The following EDDM13 variants were observed in gnomAD, a reference collection of about 807,000 sequenced individuals.
EDDM13 encodes epididymal protein 13.
EDDM13 carries 24 observed loss-of-function variants against 17.8 expected under a neutral mutation model. The ratio of observed to expected loss-of-function variants is 1.35; its 90% CI spans 0.98 to 1.90. The LOEUF is 1.90. EDDM13 is among the 40% of genes most tolerant of loss of function. The pLI is 0.00. For synonymous variants in EDDM13, 31 were observed against 37.5 expected (o/e 0.83, Z 0.63); for missense variants, 97 against 100.8 (o/e 0.96, Z 0.16).
chr19:56,288,016 T>C (rs373490001), intron 6 of EDDM13, among the ~76,000 whole-genome samples: 4 of 152,156 alleles, frequency 2.6e-5, no homozygotes, highest in East Asian at 3.9e-4. Context: ...TGATTCCACT[T>C]TTCTGATGAG....
chr19:56,291,876 A>G (rs2039532377), intron 9 of EDDM13, among the ~76,000 whole-genome samples: 1 of 152,214 alleles, frequency 6.6e-6, no homozygotes, highest in Admixed American at 6.5e-5. Flanking sequence ...TGGTGATGAC[A>G]GTGATGGAAA....
intron 14 of EDDM13, among the ~76,000 whole-genome samples, chr19:56,309,858 A>G (rs2040924511): frequency 6.6e-6 from 1 of 152,160 alleles, no homozygotes; most frequent in Admixed American, 6.5e-5. Flanking sequence ...AGGAGGAGAC[A>G]CTTGCCCTGG....
chr19:56,279,381 C>G (rs2038509113), intron 2 of EDDM13, among the ~76,000 whole-genome samples: 2 of 152,122 alleles, frequency 1.3e-5, no homozygotes, highest in African/African-American at 4.8e-5. Context: ...AGCAAAATTC[C>G]TAGCGCTCAG....
chr19:56,275,575 G>A (rs1181439842), intron 1 of EDDM13, among the ~76,000 whole-genome samples: 2 of 152,138 alleles, frequency 1.3e-5, no homozygotes, highest in African/African-American at 4.8e-5. Context: ...ACAAAAAATA[G>A]TAAGAATAAA....
chr19:56,275,124 T>G (rs567180897), intron 1 of EDDM13, among the ~76,000 whole-genome samples: 53 of 152,304 alleles, frequency 3.5e-4, no homozygotes, highest in Admixed American at 5.2e-4. Flanking sequence ...TCGGCTAAGG[T>G]GGTGTCTGCC....
intron 9 of EDDM13, among the ~76,000 whole-genome samples, chr19:56,294,805 A>G (rs551404330): frequency 6.6e-6 from 1 of 152,384 alleles, no homozygotes; most frequent in East Asian, 1.9e-4. Flanking sequence ...TTCAGCCACA[A>G]AGAAAGTGCT....
chr19:56,290,044 C>A (rs1270376218), intron 8 of EDDM13, among the ~76,000 whole-genome samples: 1 of 152,298 alleles, frequency 6.6e-6, no homozygotes, highest in East Asian at 1.9e-4. Context: ...TCAAATGGAA[C>A]CCAAGTTATA....
intron 2 of EDDM13, among the ~76,000 whole-genome samples, chr19:56,276,846 C>T (rs2038302853): frequency 6.6e-6 from 1 of 151,888 alleles, no homozygotes; most frequent in Admixed American, 6.6e-5. Flanking sequence ...CAAAGGTTAT[C>T]TTTATTGATA....
chr19:56,298,888 A>G (rs927689820), intron 12 of EDDM13, among the ~76,000 whole-genome samples: 2 of 152,232 alleles, frequency 1.3e-5, no homozygotes, highest in African/African-American at 4.8e-5. Flanking sequence ...AATACGACAA[A>G]GGAAAATTTC....
At position 56,309,884 on chromosome 19, in the gene EDDM13, A is replaced by C. The variant is rs554315034; in HGVS notation, c.462-240A>C. ...CTTGCCCTGGTGATGGGGCAGAGCT[A>C]GGGTCCATAAGATCTGAGGGAAGCG... On this transcript the variant is annotated intron_variant, in intron 14 of 14. Transcript: ENST00000649256. Among the ~76,000 whole-genome samples the C allele has an allele frequency of 1.3e-3, 203 of 152,296 alleles. No individual in the cohort carries two copies. The Middle Eastern group carries it at 0.014, about 10-fold the overall frequency.
chr19:56,299,320 T>G (rs1403041330), intron 12 of EDDM13, among the ~76,000 whole-genome samples: 1 of 151,502 alleles, frequency 6.6e-6, no homozygotes, highest in African/African-American at 2.4e-5. Flanking sequence ...TTTTGTAGAG[T>G]TTGGGTCTCC....
At chr19:56,309,684 A>G (rs558557045) in intron 14 of EDDM13, among the ~76,000 whole-genome samples, 52 of 152,258 alleles carry the variant, frequency 3.4e-4, no homozygotes, top group Middle Eastern at 3.4e-3. Context: ...ACACCAGGCT[A>G]GGGGGTGCAG....
chr19:56,275,893 A>G (rs2147001529), intron 1 of EDDM13, among the ~76,000 whole-genome samples, 199 bp from the exon 2 acceptor site: 1 of 152,334 alleles, frequency 6.6e-6, no homozygotes, highest in African/African-American at 2.4e-5. Flanking sequence ...TGATGAACGA[A>G]TGGACTTATC....
chr19:56,284,038 G>C, intron 4 of EDDM13, 160 bp from the exon 5 acceptor site: 1 of 245,580 alleles, frequency 4.1e-6, no homozygotes, highest in Non-Finnish European at 6.5e-6. Flanking sequence ...ATGACCCCTT[G>C]TGGATTCTAC....
At chr19:56,273,024 C>A (rs1420114628) in intron 1 of EDDM13, 105 bp downstream of exon 1, 1 of 304,802 alleles carries the variant, frequency 3.3e-6, no homozygotes, top group Non-Finnish European at 4.8e-6. Flanking sequence ...TAACAGACTT[C>A]TTCTTGCTTC....
chr19:56,308,668 T>A (rs1221253308), intron 14 of EDDM13, among the ~76,000 whole-genome samples: 2 of 151,168 alleles, frequency 1.3e-5, no homozygotes, highest in Non-Finnish European at 2.9e-5. Flanking sequence ...ACATTTTTTT[T>A]CCCGCTCCAT....
At chr19:56,279,627 A>G (rs1456843890) in intron 2 of EDDM13, among the ~76,000 whole-genome samples, 2 of 152,228 alleles carry the variant, frequency 1.3e-5, no homozygotes, top group Non-Finnish European at 2.9e-5. Context: ...CATCATGAGA[A>G]TCACATGGGA....
At chr19:56,274,703 T>C (rs183852853) in intron 1 of EDDM13, 12 of 152,312 alleles carry the variant, frequency 7.9e-5, no homozygotes, top group South Asian at 6.2e-4. Flanking sequence ...TTTCTACTAA[T>C]AGAAAAACTA....
At chr19:56,289,192 G>T (rs1263098669) in intron 8 of EDDM13, among the ~76,000 whole-genome samples, 1 of 152,134 alleles carries the variant, frequency 6.6e-6, no homozygotes, top group Non-Finnish European at 1.5e-5. Context: ...GGATGCTAAG[G>T]GTCTGAGAGC....
Sources: gnomAD v4.1 joint callset for allele counts (sites outside exome capture counted in the v4.1 genomes callset) on GRCh38, gnomAD v4.1.1 for gene constraint, MANE v1.5 for transcripts, NCBI Gene and HGNC (gene_info 2026-07-23, HGNC 2026-07-21) for gene names.